Variants in AK1 observed in about 807,000 individuals in gnomAD.
The protein encoded by AK1 is adenylate kinase 1, also known as adenylate kinase isoenzyme 1.
In AK1, 13 loss-of-function variants were observed where a neutral mutation model predicts 23.9. The ratio of observed to expected loss-of-function variants is 0.54; its 90% CI spans 0.35 to 0.86. The LOEUF is 0.86. AK1 is among the 40% of genes least tolerant of loss of function. The probability of loss-of-function intolerance (pLI) is 0.01; values close to 1 mark genes in which losing one functional copy is unlikely to be tolerated. For synonymous variants in AK1, 97 were observed against 102.8 expected, an observed-to-expected ratio of 0.94 and a Z score of 0.34; for missense variants, 214 against 255.1, an observed-to-expected ratio of 0.84 and a Z score of 1.10.
intron 5 of AK1, among the ~76,000 whole-genome samples, chr9:127,870,224 C>T (rs375900697): frequency 1.3e-4 from 15 of 113,236 alleles, no homozygotes; most frequent in African/African-American, 3.2e-4. Flanking sequence ...TTTTTTGAGA[C>T]GGAGTCTCAT....
At chr9:127,872,648 T>C (rs773287385) in intron 4 of AK1, 42 bp downstream of exon 4, 3 of 1,612,260 alleles carry the variant, frequency 1.9e-6, no homozygotes, top group East Asian at 4.5e-5. Flanking sequence ...CACTCAGGGC[T>C]ACTGTCATCC....
intron 2 of AK1, 109 bp downstream of exon 2, chr9:127,874,502 C>T (rs1017970073): frequency 6.2e-7 from 1 of 1,608,062 alleles, no homozygotes; most frequent in Non-Finnish European, 8.5e-7. Flanking sequence ...CTCCGGCAGC[C>T]CCAGAGCCTC....
intron 4 of AK1, 135 bp from the exon 5 acceptor site, chr9:127,872,074 A>C (rs895691863): frequency 1.1e-5 from 8 of 753,680 alleles, no homozygotes; most frequent in African/African-American, 3.4e-5. Context: ...CTCCCCCTCC[A>C]GGAAGCTTCC....
chr9:127,876,404 C>G (rs1564474988), intron 1 of AK1, among the ~76,000 whole-genome samples: 1 of 152,222 alleles, frequency 6.6e-6, no homozygotes, highest in Non-Finnish European at 1.5e-5. Flanking sequence ...GGAGGACAGA[C>G]TGGTTCGAGG....
intron 1 of AK1, among the ~76,000 whole-genome samples, chr9:127,875,271 G>T (rs1465816614): frequency 6.6e-6 from 1 of 151,702 alleles, no homozygotes; most frequent in Non-Finnish European, 1.5e-5. Flanking sequence ...CCCCACGCAT[G>T]TCCCCTGCAC....
Position 127,877,393 on chromosome 9 carries a change from C to A in AK1, c.-33+230G>T, listed in dbSNP as rs574303225. Among the ~76,000 whole-genome samples the A allele has an allele frequency of 6.7e-6, 1 of 150,312 alleles. No homozygotes were observed. The highest frequency in any genetic ancestry group is 2.5e-5 in the African/African-American group (1 of 40,304). On this transcript the variant is annotated intron_variant, in intron 1 of 6. Coordinates refer to ENST00000644144, the MANE Select transcript of AK1 (RefSeq NM_000476.3). This position sits in a 1 kb window ranked among gnomAD's most constrained non-coding sequence, Gnocchi z 5.2. ...GGAGGCTGGAAGGGGCTGCAACACA[C>A]ACAAACACACACGCACACACACGCA...
rs1182742130 is a variant in AK1 at position 127,874,201 on chromosome 9, T to C, written c.7+410A>G. ...GTGTCTCCCTCTAAGTCCCAGCCCA[T>C]AGGAACTAGGAGGGTCCAAGACTTC... is the stretch of plus-strand genomic sequence containing the variant. On this transcript the variant is annotated intron_variant, in intron 2 of 6. Coordinates refer to ENST00000644144, the MANE Select transcript of AK1 (RefSeq NM_000476.3). The C allele has an allele frequency of 3.0e-6, 3 of 985,270 alleles. No homozygotes were observed. The African/African-American group carries it at 5.2e-5, about 17-fold the overall frequency. 61.0% of individuals were successfully genotyped at this position (985,270 alleles called of 1,614,324 possible).
intron 1 of AK1, 26 bp from the exon 2 acceptor site, chr9:127,874,675 G>A (rs973519595): frequency 1.1e-5 from 17 of 1,611,554 alleles, no homozygotes; most frequent in Admixed American, 1.7e-5. Context: ...ACAGGTTGGG[G>A]AGGGATTTTC....
upstream of AK1, among the ~76,000 whole-genome samples, chr9:127,879,071 ACACAC>A (rs1829595028): frequency 8.2e-6 from 1 of 121,292 alleles, no homozygotes; most frequent in East Asian, 2.0e-4. Flanking sequence ...AATAAAACAC[ACACAC>A]ACACACACAC....
chr9:127,871,776 T>C lies in AK1; in HGVS notation c.324+47A>G, dbSNP rs139396377. On this transcript the variant is annotated intron_variant, in intron 5 of 6. Transcript: ENST00000644144. This position sits in a 1 kb window ranked among gnomAD's most constrained non-coding sequence, Gnocchi z 4.4. ...GGCCCGCCCATGGGGATGGGAGTCT[T>C]ATCCTGCCCCAGCCCACCAGGATCC... The C allele has an allele frequency of 1.0e-4, 158 of 1,540,400 alleles. 3 individuals carry two copies. In the African/African-American group the frequency reaches 2.0e-3, roughly 20 times the overall value.
At chr9:127,877,979 G>A (rs1233829626), upstream of AK1, among the ~76,000 whole-genome samples, 1 of 152,262 alleles carries the variant, frequency 6.6e-6, no homozygotes, top group Non-Finnish European at 1.5e-5. The surrounding 1 kb of genome is among the most constrained non-coding windows in gnomAD (Gnocchi z 5.2). Context: ...ACAAGGCCAG[G>A]CTTTCCCTAT....
At chr9:127,870,797 T>C (rs2131397590) in intron 5 of AK1, among the ~76,000 whole-genome samples, 1 of 50,616 alleles carries the variant, frequency 2.0e-5, no homozygotes, top group East Asian at 1.2e-3. Flanking sequence ...CAGAAGGCCC[T>C]ACGGAGACGG....
upstream of AK1, among the ~76,000 whole-genome samples, chr9:127,878,661 G>A (rs1433248832): frequency 6.6e-6 from 1 of 152,200 alleles, no homozygotes; most frequent in East Asian, 1.9e-4. Flanking sequence ...TTGAGCAAGA[G>A]AGTGAGACTA....
intron 5 of AK1, among the ~76,000 whole-genome samples, chr9:127,870,620 G>A (rs1219804187): frequency 6.6e-6 from 1 of 152,218 alleles, no homozygotes; most frequent in East Asian, 1.9e-4. Flanking sequence ...ACAGGGTCAG[G>A]GGTCTGAGGT....
At chr9:127,870,140 G>C (rs919359183) in intron 5 of AK1, among the ~76,000 whole-genome samples, 1 of 152,118 alleles carries the variant, frequency 6.6e-6, no homozygotes, top group Non-Finnish European at 1.5e-5. Context: ...AGCAGGGATG[G>C]GACCAGGGCT....
At position 127,868,318 on chromosome 9, in the gene AK1, C is replaced by T. The variant is rs1237178075; in HGVS notation, c.516+3G>A. On this transcript the variant is annotated splice_donor_region_variant and intron_variant, in intron 6 of 6. Transcript: ENST00000644144. The surrounding 1 kb of genome is among the most constrained non-coding windows in gnomAD (Gnocchi z 4.1). Reference sequence around the variant, plus strand: ...GAGCTGCCCCTGGGCCCGCGGGGCCCACCTTGCGCACAATGCCACGTTTCT... The same window carrying T: ...GAGCTGCCCCTGGGCCCGCGGGGCCTACCTTGCGCACAATGCCACGTTTCT... The T allele has an allele frequency of 6.3e-7, 1 of 1,577,654 alleles. No homozygotes were observed. The highest frequency in any genetic ancestry group is 8.6e-7 in the Non-Finnish European group (1 of 1,161,420).
rs59851293 is a variant in AK1, at chr9:127,870,805, C to CGGGGCATGGGAAT, written c.324+1005_324+1017dup. 4.5e-3 allele frequency among the ~76,000 whole-genome samples: 603 copies of CGGGGCATGGGAAT among 133,196 alleles called. 6 individuals carry two copies. The highest frequency in any genetic ancestry group is 0.016 in the African/African-American group (567 of 36,402). 87.4% of individuals were successfully genotyped at this position (133,196 alleles called of 152,430 possible). On this transcript the variant is annotated intron_variant, in intron 5 of 6. Coordinates refer to ENST00000644144, the MANE Select transcript of AK1 (RefSeq NM_000476.3). ...GGAAGCCCAGAAGGCCCTACGGAGA[C>CGGGGCATGGGAAT]GGGGCATGGGAATGGGGCATGGGAA...
Position 127,872,673 on chromosome 9 carries a change from C to G in AK1, c.207+17G>C. 2 of 1,613,854 alleles carry G rather than the reference C, an allele frequency of 1.2e-6. No individual in the cohort carries two copies. Among genetic ancestry groups the G allele is most frequent in the Non-Finnish European group, 1.7e-6 (2 of 1,180,006 alleles). On this transcript the variant is annotated intron_variant, in intron 4 of 6. Transcript: ENST00000644144. ...TACTGTCATCCCCTGCCTCTCACCC[C>G]ACCAGGGCCCACTCACCAGTGGAAC...
At position 127,868,408 on chromosome 9, in the gene AK1, C is replaced by T; in HGVS notation, c.429G>A (p.Glu143=). The part of the protein sequence containing the change: ...GETSGRVDDN[E]ETIKKRLETY... Reference sequence around the variant, plus strand: ...TCTCCAGCCGCTTTTTGATGGTCTCCTCATTGTCGTCCACACGCCCGCTGG... The same window carrying T: ...TCTCCAGCCGCTTTTTGATGGTCTCTTCATTGTCGTCCACACGCCCGCTGG... Residue 143 remains glutamate, a synonymous_variant, in exon 6 of 7, where the codon GAG becomes GAA. Transcript: ENST00000644144. The surrounding 1 kb of genome is among the most constrained non-coding windows in gnomAD (Gnocchi z 4.1). The T allele has an allele frequency of 6.2e-7, 1 of 1,612,740 alleles. No individual in the cohort carries two copies. Among genetic ancestry groups the T allele is most frequent in the Non-Finnish European group, 8.5e-7 (1 of 1,179,520 alleles).
Sources: gnomAD v4.1 joint callset for allele counts (sites outside exome capture counted in the v4.1 genomes callset) on GRCh38, gnomAD v4.1.1 for gene constraint, Gnocchi (gnomAD v3.1) non-coding constraint, MANE v1.5 for transcripts, NCBI Gene and HGNC (gene_info 2026-07-23, HGNC 2026-07-21) for gene names.